GABRG3: variants seen among roughly 807,000 people sequenced by gnomAD.
The protein encoded by GABRG3 is gamma-aminobutyric acid receptor subunit gamma-3.
A neutral mutation model predicts 48.8 loss-of-function variants in GABRG3; 25 were observed. That is an observed-to-expected ratio of 0.51 (90% CI 0.37 to 0.72). The LOEUF (loss-of-function observed/expected upper bound fraction) is 0.72, where lower values mean the gene tolerates loss of function less well. Among genes scored for constraint, GABRG3 ranks in the 30% least tolerant of loss-of-function variants. The pLI is 0.00. For missense variants in GABRG3, 394 were observed against 577.9 expected, an observed-to-expected ratio of 0.68 and a Z score of 3.26; for synonymous variants, 227 against 217.6, an observed-to-expected ratio of 1.04 and a Z score of -0.38.
chr15:27,483,047 T>A (rs1890136637), intron 6 of GABRG3: 1 of 152,256 alleles, frequency 6.6e-6, no homozygotes, highest in South Asian at 2.1e-4. Context: ...ATATTAAATA[T>A]GTTTATTTAA....
At chr15:27,074,342 A>G (rs1896875264) in intron 3 of GABRG3, among the ~76,000 whole-genome samples, 1 of 151,988 alleles carries the variant, frequency 6.6e-6, no homozygotes, top group South Asian at 2.1e-4. Context: ...CAGAGCCCCA[A>G]GAGAGAGAGT....
chr15:27,522,680 A>T (rs1226538984), intron 7 of GABRG3, among the ~76,000 whole-genome samples: 2 of 151,834 alleles, frequency 1.3e-5, no homozygotes, highest in African/African-American at 4.8e-5. Flanking sequence ...AATATAGTAA[A>T]AAGCATAGCT....
At chr15:27,241,909 T>G (rs1026038828) in intron 3 of GABRG3, among the ~76,000 whole-genome samples, 24 of 152,232 alleles carry the variant, frequency 1.6e-4, no homozygotes, top group African/African-American at 4.8e-4. Flanking sequence ...ATTCTGTATA[T>G]AAGTTAAGAA....
chr15:27,226,190 C>T (rs1484840749), intron 3 of GABRG3, among the ~76,000 whole-genome samples: 1 of 152,214 alleles, frequency 6.6e-6, no homozygotes, highest in African/African-American at 2.4e-5. Context: ...GGACCTGGCA[C>T]TCCTGGGTAT....
chr15:27,109,860 C>A (rs976584778), intron 3 of GABRG3, among the ~76,000 whole-genome samples: 1 of 151,708 alleles, frequency 6.6e-6, no homozygotes, highest in Non-Finnish European at 1.5e-5. Flanking sequence ...CTAGCCTGGG[C>A]GACAGAGCGA....
chr15:27,017,623 G>A lies in GABRG3; in HGVS notation c.203-9131G>A, dbSNP rs1296319509. On this transcript the variant is annotated intron_variant, in intron 2 of 9. Transcript: ENST00000615808. ...CTTTTCTTTCTTTCCTCAGGGAGAA[G>A]TTGGGAATGTTCTGAACACACCCTG... Among the ~76,000 whole-genome samples, 3 of 152,234 alleles carry A rather than the reference G, an allele frequency of 2.0e-5. No homozygotes were observed. The East Asian group carries it at 5.8e-4, about 29-fold the overall frequency.
chr15:27,519,371 A>G (rs1891104254), intron 6 of GABRG3, among the ~76,000 whole-genome samples: 1 of 152,214 alleles, frequency 6.6e-6, no homozygotes, highest in South Asian at 2.1e-4. Flanking sequence ...GGTAGAAGAG[A>G]GTGGAATGTC....
At chr15:27,004,553 G>T (rs191122527) in intron 2 of GABRG3, among the ~76,000 whole-genome samples, 106 of 152,142 alleles carry the variant, frequency 7.0e-4, no homozygotes, top group African/African-American at 2.4e-3. Context: ...GGTGGCGGCC[G>T]GGCAGAGGCT....
intron 2 of GABRG3, among the ~76,000 whole-genome samples, chr15:27,013,116 T>A (rs761298826): frequency 6.6e-6 from 1 of 152,140 alleles, no homozygotes; most frequent in Non-Finnish European, 1.5e-5. Context: ...GGACTTCACA[T>A]CTGGATTTCT....
chr15:27,006,204 T>G (rs1895581868), intron 2 of GABRG3, among the ~76,000 whole-genome samples: 1 of 152,120 alleles, frequency 6.6e-6, no homozygotes, highest in Non-Finnish European at 1.5e-5. Flanking sequence ...CCAACTTTTT[T>G]TGTTTGTTTG....
At chr15:27,185,979 T>C (rs1224698546) in intron 3 of GABRG3, among the ~76,000 whole-genome samples, 1 of 151,930 alleles carries the variant, frequency 6.6e-6, no homozygotes, top group East Asian at 1.9e-4. Flanking sequence ...TGCATCAAGG[T>C]TTTTAAAATC....
At chr15:27,453,711 C>CGGAG (rs1889178352) in intron 5 of GABRG3, among the ~76,000 whole-genome samples, 1 of 152,184 alleles carries the variant, frequency 6.6e-6, no homozygotes, top group East Asian at 1.9e-4. Context: ...AAGCAATTCT[C>CGGAG]CTGCTTCAGC....
At chr15:27,390,578 T>TG (rs1896190215) in intron 5 of GABRG3, among the ~76,000 whole-genome samples, 1 of 152,202 alleles carries the variant, frequency 6.6e-6, no homozygotes, top group South Asian at 2.1e-4. Context: ...CAGGGAGCAC[T>TG]GGGGTGCACA....
At chr15:27,106,563 G>C (rs552285031) in intron 3 of GABRG3, among the ~76,000 whole-genome samples, 1 of 151,762 alleles carries the variant, frequency 6.6e-6, no homozygotes, top group African/African-American at 2.4e-5. Context: ...GCAGGCAGAA[G>C]GAAGACAGTA....
At chr15:27,488,273 C>G (rs951455746) in intron 6 of GABRG3, among the ~76,000 whole-genome samples, 3 of 152,194 alleles carry the variant, frequency 2.0e-5, no homozygotes, top group African/African-American at 7.2e-5. Flanking sequence ...AGGTTGACAG[C>G]CATTTACTTC....
intron 3 of GABRG3, among the ~76,000 whole-genome samples, chr15:27,057,548 G>C (rs192442793): frequency 2.6e-5 from 4 of 152,140 alleles, no homozygotes; most frequent in African/African-American, 9.7e-5. Context: ...GGGGCTGCAC[G>C]ATCCTAGAAG....
At position 27,205,882 on chromosome 15, in the gene GABRG3, G is replaced by A. The variant is rs182166918; in HGVS notation, c.271-120927G>A. Among the ~76,000 whole-genome samples, 232 of 151,786 alleles carry A rather than the reference G, an allele frequency of 1.5e-3. 2 individuals carry two copies. Among genetic ancestry groups the A allele is most frequent in the African/African-American group, 5.5e-3 (226 of 41,424 alleles). ...AGAGGTGTTCATAACAGACTCTTAGGGTTTTTTGAATTTCTTTATGGTTGG... is the reference window on the plus strand; with the variant it reads ...AGAGGTGTTCATAACAGACTCTTAGAGTTTTTTGAATTTCTTTATGGTTGG... On this transcript the variant is annotated intron_variant, in intron 3 of 9. Transcript: ENST00000615808.
intron 6 of GABRG3, 129 bp downstream of exon 6, chr15:27,480,916 G>A (rs1890087242): frequency 6.3e-6 from 9 of 1,426,686 alleles, no homozygotes; most frequent in Middle Eastern, 1.9e-4. Context: ...GACAAAACAA[G>A]TGATTCAAAG....
intron 3 of GABRG3, among the ~76,000 whole-genome samples, chr15:27,207,088 T>C (rs1219582244): frequency 6.6e-6 from 1 of 152,180 alleles, no homozygotes; most frequent in Non-Finnish European, 1.5e-5. Context: ...GATCCTGTCA[T>C]CATGTTGTTA....
Sources: allele counts gnomAD v4.1 joint callset (sites outside exome capture counted in the v4.1 genomes callset), GRCh38; gene constraint gnomAD v4.1.1; transcripts MANE v1.5; gene names NCBI Gene and HGNC (gene_info 2026-07-23, HGNC 2026-07-21).